MCM9: variants seen among roughly 807,000 people sequenced by gnomAD.
MCM9 encodes DNA helicase MCM9.
MCM9 carries 55 observed loss-of-function variants against 72.8 expected under a neutral mutation model. The ratio of observed to expected loss-of-function variants is 0.76; its 90% CI spans 0.61 to 0.95. The LOEUF (loss-of-function observed/expected upper bound fraction) is 0.95, where lower values mean the gene tolerates loss of function less well. MCM9 is among the 40% of genes least tolerant of loss of function. MCM9 has a pLI of 0.00. For missense variants in MCM9, 1,279 were observed against 1,377.0 expected, an observed-to-expected ratio of 0.93 and a Z score of 1.13; for synonymous variants, 480 against 503.4, an observed-to-expected ratio of 0.95 and a Z score of 0.62.
chr6:118,855,280 C>T (rs1471054138), intron 9 of MCM9, among the ~76,000 whole-genome samples: 3 of 152,158 alleles, frequency 2.0e-5, no homozygotes, highest in African/African-American at 7.2e-5. Flanking sequence ...AGTATATTTT[C>T]TTATAACACT....
intron 10 of MCM9, among the ~76,000 whole-genome samples, chr6:118,828,462 T>C (rs890163825): frequency 1.3e-5 from 2 of 152,068 alleles, no homozygotes; most frequent in African/African-American, 4.8e-5. Flanking sequence ...CTCTGTTCAC[T>C]GCAACCTCTA....
At chr6:118,870,150 G>A (rs1009524227) in intron 8 of MCM9, among the ~76,000 whole-genome samples, 3 of 152,056 alleles carry the variant, frequency 2.0e-5, no homozygotes, top group African/African-American at 7.2e-5. Context: ...TAGACCAAAT[G>A]GACTTACCAG....
At chr6:118,866,390 TGTGATGTACCTGA>T (rs1777219819) in intron 8 of MCM9, among the ~76,000 whole-genome samples, 1 of 152,200 alleles carries the variant, frequency 6.6e-6, no homozygotes, top group East Asian at 1.9e-4. Context: ...AGTGGAGATA[TGTGATGTACCTGA>T]GAGAAAATTC....
At chr6:118,925,403 T>C (rs571636823) in intron 3 of MCM9, among the ~76,000 whole-genome samples, 1 of 152,286 alleles carries the variant, frequency 6.6e-6, no homozygotes, top group Admixed American at 6.5e-5. Context: ...GCATATTTTC[T>C]CCTAGTTGAT....
At position 118,829,043 on chromosome 6, in the gene MCM9, C is replaced by G. The variant is rs768287198; in HGVS notation, c.1528+5G>C. The G allele has an allele frequency of 4.5e-6, 7 of 1,549,918 alleles. No homozygotes were observed. Among genetic ancestry groups the G allele is most frequent in the South Asian group, 1.2e-5 (1 of 84,016 alleles). ...ATTTTGAATGCTTTGTTTGTCTTCA[C>G]GTACCTTTATTTTCTAAGATAAAGG... On this transcript the variant is annotated splice_donor_5th_base_variant and intron_variant, in intron 10 of 13. Transcript: ENST00000619706.
At chr6:118,841,291 A>G (rs1319490723) in intron 9 of MCM9, among the ~76,000 whole-genome samples, 1 of 152,204 alleles carries the variant, frequency 6.6e-6, no homozygotes, top group Non-Finnish European at 1.5e-5. Context: ...TCTGTTTCAC[A>G]GCCCATGCAG....
intron 8 of MCM9, chr6:118,900,764 A>G: frequency 1.2e-6 from 2 of 1,600,270 alleles, no homozygotes; most frequent in East Asian, 2.2e-5. Context: ...TTTTAACCCT[A>G]GACTTGGAAT....
At position 118,893,918 on chromosome 6, in the gene MCM9, GCC is replaced by G. The variant is rs1491366289; in HGVS notation, c.1150+17730_1150+17731del. 7.3e-5 allele frequency: 49 copies of G among 668,208 alleles called. No homozygotes were observed. In the Admixed American group the frequency reaches 1.8e-3, roughly 25 times the overall value. The allele number at this position is 668,208 out of a possible 1,614,324, so 41.4% of individuals were successfully genotyped here. A position where few individuals can be genotyped will look rare whatever the true frequency, so the allele number is the denominator to read the frequency against. ...GAGGGGCGGGCGTCGGCCGGATCGC[GCC>G]CTCCCGCCGCAGCCACGCCTCCCCG... On this transcript the variant is annotated intron_variant, in intron 8 of 13. Transcript: ENST00000619706.
chr6:118,860,133 T>C (rs1041658008), intron 8 of MCM9, among the ~76,000 whole-genome samples: 6 of 152,120 alleles, frequency 3.9e-5, no homozygotes, highest in African/African-American at 1.4e-4. Context: ...TTTGAAGAGA[T>C]AGAACAAGCA....
At chr6:118,894,286 C>T (rs1779185736) in intron 8 of MCM9, 5 of 1,470,792 alleles carry the variant, frequency 3.4e-6, no homozygotes, top group African/African-American at 1.4e-5. Context: ...AAAAGTTTCT[C>T]AAGTCGCCGC....
At chr6:118,856,279 A>G in intron 9 of MCM9, 92 bp downstream of exon 9, 5 of 1,309,590 alleles carry the variant, frequency 3.8e-6, no homozygotes, top group Non-Finnish European at 5.1e-6. Flanking sequence ...AAGAGGACCA[A>G]ACATACCTTA....
Position 118,923,902 on chromosome 6 carries a change from C to T in MCM9, c.530G>A (p.Ser177Asn). Reference protein sequence around the residue: ...CRPSSCPSLESCDSSKFTCLS... With the variant: ...CRPSSCPSLENCDSSKFTCLS... ...GCAAGTGAATTTAGAGGAATCACAG[C>T]TCTCCAAGCTGGGACACGAGGATGG... Residue 177 changes from serine to asparagine, a missense_variant, in exon 4 of 14, where the codon AGC becomes AAC. Physicochemically the swap from Ser to Asn is conservative, Grantham distance 46. Transcript: ENST00000619706. 1 of 1,614,220 alleles carries T rather than the reference C, an allele frequency of 6.2e-7. No homozygotes were observed. The highest frequency in any genetic ancestry group is 8.5e-7 in the Non-Finnish European group (1 of 1,180,032).
chr6:118,829,972 T>A (rs1049724922), intron 9 of MCM9, among the ~76,000 whole-genome samples: 3 of 152,110 alleles, frequency 2.0e-5, no homozygotes, highest in African/African-American at 7.2e-5. Context: ...TGATGAGGAC[T>A]GGGTTGGTGA....
rs994714064 is a variant in MCM9, at chr6:118,925,805, T to C, written c.305-1678A>G. Among the ~76,000 whole-genome samples the C allele has an allele frequency of 2.0e-5, 3 of 152,174 alleles. No individual in the cohort carries two copies. The East Asian group carries it at 5.8e-4, about 29-fold the overall frequency. On this transcript the variant is annotated intron_variant, in intron 3 of 13. Transcript: ENST00000619706. ...AAGAAACAGCCCAGAAATCTCTCTC[T>C]CTTGTTTACCTGGCCTTAACTGGAA...
chr6:118,834,367 TGTATACCCAGTAATGG>T (rs1693384550), intron 9 of MCM9, among the ~76,000 whole-genome samples: 4 of 152,290 alleles, frequency 2.6e-5, no homozygotes, highest in African/African-American at 9.6e-5. Flanking sequence ...ATCCTTTGGG[TGTATACCCAGTAATGG>T]GATTACTGGG....
At chr6:118,885,070 C>T (rs1345939011) in intron 8 of MCM9, among the ~76,000 whole-genome samples, 1 of 152,060 alleles carries the variant, frequency 6.6e-6, no homozygotes, top group African/African-American at 2.4e-5. Flanking sequence ...GTGGTGGGCG[C>T]CTGTAGTCCC....
intron 8 of MCM9, among the ~76,000 whole-genome samples, chr6:118,881,578 T>C (rs1778290625): frequency 6.6e-6 from 1 of 152,188 alleles, no homozygotes; most frequent in Non-Finnish European, 1.5e-5. Context: ...CAGAAATTAC[T>C]AGCAAACCAG....
At chr6:118,823,698 A>G (rs1489765706) in intron 13 of MCM9, among the ~76,000 whole-genome samples, 1 of 152,172 alleles carries the variant, frequency 6.6e-6, no homozygotes, top group African/African-American at 2.4e-5. Context: ...GTACAATATG[A>G]TCCCTCTTCT....
chr6:118,886,786 C>A (rs1778635428), intron 8 of MCM9, among the ~76,000 whole-genome samples: 2 of 151,950 alleles, frequency 1.3e-5, no homozygotes, highest in South Asian at 4.2e-4. Context: ...AGACCCTAGT[C>A]TCTATGAAAA....
Sources: gnomAD v4.1 joint callset for allele counts (sites outside exome capture counted in the v4.1 genomes callset) on GRCh38, gnomAD v4.1.1 for gene constraint, MANE v1.5 for transcripts, NCBI Gene and HGNC (gene_info 2026-07-23, HGNC 2026-07-21) for gene names.